Variants in TEP1 observed in about 807,000 individuals in gnomAD.
TEP1 encodes telomerase associated protein 1.
Under a neutral mutation model 306.3 loss-of-function variants are expected in TEP1, and 241 were observed. The ratio of observed to expected loss-of-function variants is 0.79; its 90% CI spans 0.71 to 0.88. TEP1 has a LOEUF of 0.88. Ranked by LOEUF, TEP1 falls within the 40% of genes least tolerant of loss-of-function variation. The pLI is 0.00. For missense variants in TEP1, 3,051 were observed against 3,276.1 expected (o/e 0.93, Z 1.68); for synonymous variants, 1,289 against 1,305.5 (o/e 0.99, Z 0.27).
In TEP1 at chr14:20,382,680, C is replaced by A. The variant is rs1443014087; in HGVS notation, c.4083G>T (p.Arg1361=). 6.2e-7 allele frequency: 1 copy of A among 1,613,952 alleles called. No homozygotes were observed. Among genetic ancestry groups the A allele is most frequent in the African/African-American group, 1.3e-5 (1 of 74,890 alleles). Residue 1361 remains arginine (R), a synonymous_variant, in exon 28 of 55, where the codon CGG becomes CGT. Coordinates refer to ENST00000262715, the MANE Select transcript of TEP1 (RefSeq NM_007110.5). ...RLLLVKRESG[R]PLYLRLVTDH... ...CGGTGACCAAGCGCAGGTAGAGCGG[C>A]CGGCCTGATTCCCGCTTCACCAGCA...
intron 1 of TEP1, among the ~76,000 whole-genome samples, chr14:20,411,363 CTCTT>C (rs1397108614): frequency 2.0e-5 from 3 of 152,334 alleles, no homozygotes; most frequent in Admixed American, 1.3e-4. Flanking sequence ...CCCTGGAACA[CTCTT>C]TCTTCTACCA....
In TEP1 at chr14:20,380,241, T is replaced by A; in HGVS notation, c.4997A>T (p.Gln1666Leu). Residue 1666 changes from glutamine to leucine, a missense_variant, in exon 34 of 55, where the codon CAG becomes CTG. Around this residue, in one of 3 missense-constraint regions of TEP1, gnomAD observed 1,540 missense variants for 1,705.9 expected, o/e 0.90. Coordinates refer to ENST00000262715, the MANE Select transcript of TEP1 (RefSeq NM_007110.5). ...TCTGGGGTCAAGGTCTTACCTTTGC[T>A]GATTTTTCATGGTCCGGGGTTTATT... Reference protein sequence around the residue: ...WLNKPRTMKNQQSSSLSLAVS... With the variant: ...WLNKPRTMKNLQSSSLSLAVS... 1 of 1,613,792 alleles carries A rather than the reference T, an allele frequency of 6.2e-7. No individual in the cohort carries two copies. The highest frequency in any genetic ancestry group is 8.5e-7 in the Non-Finnish European group (1 of 1,179,714).
chr14:20,372,984 C>A lies in TEP1; in HGVS notation c.6951+27G>T, dbSNP rs921996435. On this transcript the variant is annotated intron_variant, in intron 48 of 54. Coordinates refer to ENST00000262715, the MANE Select transcript of TEP1 (RefSeq NM_007110.5). ...ACAGCCAGGGTAGAATTCACACAGA[C>A]AAAGAACCAAGGGTACACCGACTCA... is the stretch of plus-strand genomic sequence containing the variant. The A allele has an allele frequency of 6.8e-6, 11 of 1,613,904 alleles. No homozygotes were observed. In the East Asian group the frequency reaches 2.0e-4, roughly 29 times the overall value.
At position 20,378,205 on chromosome 14, in the gene TEP1, G is replaced by A; in HGVS notation, c.5540C>T (p.Thr1847Ile). Residue 1847 changes from threonine (T) to isoleucine (I), a missense_variant, in exon 39 of 55, where the codon ACC becomes ATC. Thr to Ile is a moderately conservative substitution (Grantham distance 89). Around this residue, in one of 3 missense-constraint regions of TEP1, gnomAD observed 1,540 missense variants for 1,705.9 expected, o/e 0.90. Coordinates refer to ENST00000262715, the MANE Select transcript of TEP1 (RefSeq NM_007110.5). ...DLGAPGASIRTLAFNVPGGVV... is the reference protein window; with the variant it reads ...DLGAPGASIRILAFNVPGGVV... ...CCCCCCAGGCACATTGAAGGCCAAG[G>A]TACGGATAGAGGCTCCGGGTGCCCC... The A allele has an allele frequency of 6.2e-7, 1 of 1,613,680 alleles. No homozygotes were observed. The highest frequency in any genetic ancestry group is 1.6e-4 in the Middle Eastern group (1 of 6,062).
Position 20,384,161 on chromosome 14 carries a change from C to A in TEP1, c.3411G>T (p.Leu1137=), listed in dbSNP as rs1594342706. 6.2e-7 allele frequency: 1 copy of A among 1,614,064 alleles called. No homozygotes were observed. Among genetic ancestry groups the A allele is most frequent in the Non-Finnish European group, 8.5e-7 (1 of 1,180,052 alleles). ...DDLVQATFQQ[L]QKPPSPARPR... ...GCCGGGCAGGACTCGGTGGCTTCTG[C>A]AGCTGCTGGAAGGTGGCCTGGACCA... The change falls in exon 24 of 55, where the codon CTG becomes CTT. Residue 1137 remains leucine (L), a synonymous_variant. Transcript: ENST00000262715.
At chr14:20,374,042 T>C (rs752215847) in intron 44 of TEP1, among the ~76,000 whole-genome samples, 67 of 152,084 alleles carry the variant, frequency 4.4e-4, no homozygotes, top group Admixed American at 1.2e-3. Flanking sequence ...CACCAACCCT[T>C]AGCCTCAACA....
intron 36 of TEP1, 44 bp downstream of exon 36, chr14:20,378,937 T>C (rs371501494): frequency 4.8e-5 from 78 of 1,613,720 alleles, no homozygotes; most frequent in Non-Finnish European, 6.4e-5. Flanking sequence ...TTCCAAAAAA[T>C]GGGGAAGGCC....
Position 20,391,480 on chromosome 14 carries a change from A to G in TEP1, c.2097+119T>C, listed in dbSNP as rs192227530. The stretch of plus-strand genomic sequence containing the variant: ...GACTGATACTTGGAAGCAAATTCAT[A>G]TCATTTATTTCAGTCTGAGTGTTTG... On this transcript the variant is annotated intron_variant, in intron 13 of 54. Transcript: ENST00000262715. 2.3e-5 allele frequency: 28 copies of G among 1,197,552 alleles called. No homozygotes were observed. In the Admixed American group the frequency reaches 5.7e-4, roughly 24 times the overall value. 74.2% of individuals were successfully genotyped at this position (1,197,552 alleles called of 1,614,324 possible).
chr14:20,377,986 C>A (rs762380200), intron 39 of TEP1, 38 bp downstream of exon 39: 1 of 1,605,382 alleles, frequency 6.2e-7, no homozygotes, highest in African/African-American at 1.3e-5. Context: ...CTTTGCTACT[C>A]CTCCTCACAA....
intron 10 of TEP1, 60 bp downstream of exon 10, chr14:20,396,561 G>A (rs77610051): frequency 0.054 from 76,925 of 1,431,602 alleles, 2,327 homozygotes; most frequent in African/African-American, 0.11. Context: ...AAGCAGCAGT[G>A]GCCTCTCCAC....
intron 12 of TEP1, among the ~76,000 whole-genome samples, chr14:20,393,778 T>C (rs1194988117): frequency 6.9e-6 from 1 of 144,834 alleles, no homozygotes; most frequent in Non-Finnish European, 1.5e-5. Flanking sequence ...TGGGACTTTG[T>C]CTCAATTAAA....
chr14:20,368,304 C>T lies in TEP1; in HGVS notation c.*133G>A. On this transcript the variant is annotated 3_prime_UTR_variant, in exon 55 of 55. Coordinates refer to ENST00000262715, the MANE Select transcript of TEP1 (RefSeq NM_007110.5). ...ACATGAGAACACAGGCAGGCCTACA[C>T]TTGAGATTTTTTGACACTTCATTTT... 1.8e-6 allele frequency: 2 copies of T among 1,097,312 alleles called. No homozygotes were observed. The highest frequency in any genetic ancestry group is 2.5e-6 in the Non-Finnish European group (2 of 797,206). 68.0% of individuals were successfully genotyped at this position (1,097,312 alleles called of 1,614,324 possible).
chr14:20,382,012 G>A lies in TEP1; in HGVS notation c.4325C>T (p.Pro1442Leu), dbSNP rs147151688. ...TTCTTCCCAGCTCTTAGTCCCCTTC[G>A]GTAGTGTCCGCCACACACTCAGCAC... ...HGVLSVWRTLPKGTKSWEEAV... is the reference protein window; with the variant it reads ...HGVLSVWRTLLKGTKSWEEAV... The change falls in exon 30 of 55, where the codon CCG becomes CTG. Residue 1442 changes from proline (P) to leucine (L), a missense_variant. Pro to Leu is a moderately conservative substitution (Grantham distance 98). Around this residue, in one of 3 missense-constraint regions of TEP1, gnomAD observed 1,540 missense variants for 1,705.9 expected, o/e 0.90. Transcript: ENST00000262715. 5.1e-3 allele frequency: 8,281 copies of A among 1,614,112 alleles called. 35 individuals are homozygous for A. Among genetic ancestry groups the A allele is most frequent in the Non-Finnish European group, 5.7e-3 (6,701 of 1,180,026 alleles).
chr14:20,379,255 G>C (rs1885389134), intron 35 of TEP1, 150 bp from the exon 36 acceptor site: 3 of 1,051,320 alleles, frequency 2.9e-6, no homozygotes, highest in East Asian at 5.1e-5. Flanking sequence ...CGTTCAAGTG[G>C]GGGCCTCGTG....
At chr14:20,401,399 T>G in intron 8 of TEP1, 58 bp downstream of exon 8, 5 of 1,603,986 alleles carry the variant, frequency 3.1e-6, no homozygotes, top group Non-Finnish European at 4.3e-6. Context: ...GGGCCACGGA[T>G]GTTGAAAAGT....
At chr14:20,376,373 C>G (rs1885178547) in intron 41 of TEP1, 109 bp from the exon 42 acceptor site, 1 of 1,161,918 alleles carries the variant, frequency 8.6e-7, no homozygotes, top group African/African-American at 1.5e-5. Context: ...ACACCTGAGG[C>G]TCAGCTCCAT....
chr14:20,393,090 G>T (rs770809212), intron 12 of TEP1, among the ~76,000 whole-genome samples: 33 of 152,068 alleles, frequency 2.2e-4, no homozygotes, highest in Admixed American at 2.0e-4. Flanking sequence ...GGTGGTGGGT[G>T]CCTGCAGTCC....
At chr14:20,398,911 T>C (rs1594365591) in intron 9 of TEP1, among the ~76,000 whole-genome samples, 1 of 152,120 alleles carries the variant, frequency 6.6e-6, no homozygotes, top group South Asian at 2.1e-4. Flanking sequence ...ATTCTTTTTT[T>C]TTTTATTTTT....
At chr14:20,398,955 A>T (rs573163551) in intron 9 of TEP1, among the ~76,000 whole-genome samples, 1 of 151,944 alleles carries the variant, frequency 6.6e-6, no homozygotes, top group African/African-American at 2.4e-5. Flanking sequence ...TCAGTGGCAC[A>T]ATCTTGGCTC....
Sources: gnomAD v4.1 joint callset for allele counts (sites outside exome capture counted in the v4.1 genomes callset) on GRCh38, gnomAD v4.1.1 for gene constraint, gnomAD v4.1.1 regional missense constraint, MANE v1.5 for transcripts, NCBI Gene and HGNC (gene_info 2026-07-23, HGNC 2026-07-21) for gene names.